IMMP2L: variants seen among roughly 807,000 people sequenced by gnomAD.
The protein encoded by IMMP2L is inner mitochondrial membrane peptidase subunit 2, also known as mitochondrial inner membrane protease subunit 2.
IMMP2L carries 18 observed loss-of-function variants against 19.3 expected under a neutral mutation model. The observed-to-expected ratio is 0.93, with a 90% CI of 0.64 to 1.38. The LOEUF is 1.38. Ranked by LOEUF, IMMP2L falls within the 40% of genes most tolerant of loss-of-function variation. The pLI, the probability that IMMP2L is intolerant of heterozygous loss-of-function variation, is 0.00. For synonymous variants in IMMP2L, 76 were observed against 73.0 expected (o/e 1.04, Z -0.21); for missense variants, 233 against 218.2 (o/e 1.07, Z -0.43).
At chr7:110,930,180 C>T (rs143414953) in intron 4 of IMMP2L, among the ~76,000 whole-genome samples, 270 of 152,272 alleles carry the variant, frequency 1.8e-3, no homozygotes, top group African/African-American at 6.3e-3. Flanking sequence ...CTGCTGAAGC[C>T]TTTACTTCCT....
At position 111,123,931 on chromosome 7, in the gene IMMP2L, C is replaced by A. The variant is rs1167488652; in HGVS notation, c.240-160366G>T. 7 of 1,613,962 alleles carry A rather than the reference C, an allele frequency of 4.3e-6. No homozygotes were observed. The highest frequency in any genetic ancestry group is 5.9e-6 in the Non-Finnish European group (7 of 1,179,992). On this transcript the variant is annotated intron_variant, in intron 3 of 5. Transcript: ENST00000405709. The surrounding 1 kb of genome is among the most constrained non-coding windows in gnomAD (Gnocchi z 6.4). ...GATGAACATGAACAAAACCAACATTCGATTCATGGAGCCAGATTCACTGTT... is the reference window on the plus strand; with the variant it reads ...GATGAACATGAACAAAACCAACATTAGATTCATGGAGCCAGATTCACTGTT...
intron 4 of IMMP2L, among the ~76,000 whole-genome samples, chr7:110,898,620 C>G (rs1811557805): frequency 6.6e-6 from 1 of 152,032 alleles, no homozygotes; most frequent in African/African-American, 2.4e-5. Flanking sequence ...AAAGCCAGAA[C>G]AAATAAAACA....
chr7:111,275,854 T>A (rs936630316), intron 3 of IMMP2L, among the ~76,000 whole-genome samples: 2 of 152,186 alleles, frequency 1.3e-5, no homozygotes, highest in Admixed American at 1.3e-4. Flanking sequence ...TTGTTATTGG[T>A]ATAAAGAAAT....
At chr7:110,828,122 C>G (rs1244755130) in intron 5 of IMMP2L, among the ~76,000 whole-genome samples, 1 of 152,106 alleles carries the variant, frequency 6.6e-6, no homozygotes, top group African/African-American at 2.4e-5. Flanking sequence ...AATGACCAGA[C>G]TAAACATTTT....
chr7:110,702,458 A>T, intron 5 of IMMP2L, among the ~76,000 whole-genome samples: 1 of 152,162 alleles, frequency 6.6e-6, no homozygotes, highest in East Asian at 1.9e-4. Flanking sequence ...ATGAATATTA[A>T]TATTAAGATC....
chr7:111,309,180 G>A (rs976456630), intron 3 of IMMP2L, among the ~76,000 whole-genome samples: 7 of 152,136 alleles, frequency 4.6e-5, no homozygotes, highest in East Asian at 1.9e-4. Flanking sequence ...AGATGTACTG[G>A]AGAAAATACA....
intron 4 of IMMP2L, among the ~76,000 whole-genome samples, chr7:110,891,033 G>T (rs1028274404): frequency 3.3e-5 from 5 of 151,614 alleles, no homozygotes; most frequent in Non-Finnish European, 4.4e-5. Flanking sequence ...TTGATTTAAG[G>T]TATTCTTATT....
At chr7:111,356,298 A>G (rs1473630217) in intron 3 of IMMP2L, among the ~76,000 whole-genome samples, 1 of 151,778 alleles carries the variant, frequency 6.6e-6, no homozygotes, top group African/African-American at 2.4e-5. Flanking sequence ...AAAAATTTGC[A>G]TCTCTTAACA....
At chr7:111,335,684 A>G (rs912270846) in intron 3 of IMMP2L, among the ~76,000 whole-genome samples, 8 of 152,176 alleles carry the variant, frequency 5.3e-5, no homozygotes, top group African/African-American at 1.9e-4. Flanking sequence ...ACACAACAGG[A>G]CACTTTAAAA....
At chr7:111,268,099 C>T (rs1261688679) in intron 3 of IMMP2L, among the ~76,000 whole-genome samples, 1 of 151,956 alleles carries the variant, frequency 6.6e-6, no homozygotes, top group African/African-American at 2.4e-5. Context: ...AGTCTCTGTC[C>T]CCAATTTTCT....
At chr7:111,011,043 G>C (rs1367188759) in intron 3 of IMMP2L, among the ~76,000 whole-genome samples, 1 of 152,024 alleles carries the variant, frequency 6.6e-6, no homozygotes, top group Non-Finnish European at 1.5e-5. Context: ...GTACTCCTGA[G>C]ATCAGTAGAT....
chr7:111,142,218 C>G (rs1367191606), intron 3 of IMMP2L, among the ~76,000 whole-genome samples: 2 of 151,418 alleles, frequency 1.3e-5, no homozygotes, highest in East Asian at 2.0e-4. Flanking sequence ...CCCAGCTACT[C>G]AGGAGGCTGA....
intron 3 of IMMP2L, among the ~76,000 whole-genome samples, chr7:111,434,390 T>A (rs1355104759): frequency 6.6e-6 from 1 of 151,298 alleles, no homozygotes; most frequent in Non-Finnish European, 1.5e-5. Flanking sequence ...AGTAAAAAGC[T>A]TCTGCACAGC....
intron 3 of IMMP2L, among the ~76,000 whole-genome samples, chr7:111,320,281 C>T (rs1824547794): frequency 1.3e-5 from 2 of 152,062 alleles, no homozygotes; most frequent in South Asian, 4.1e-4. Flanking sequence ...CATCCATCCA[C>T]CTTCTTACTC....
chr7:111,045,881 T>C (rs897710639), intron 3 of IMMP2L, among the ~76,000 whole-genome samples: 1 of 152,166 alleles, frequency 6.6e-6, no homozygotes. Context: ...TAATTTGCTA[T>C]AACAGCAATT....
At chr7:111,217,334 A>C (rs181836921) in intron 3 of IMMP2L, among the ~76,000 whole-genome samples, 1 of 152,096 alleles carries the variant, frequency 6.6e-6, no homozygotes, top group Non-Finnish European at 1.5e-5. Flanking sequence ...GAATAAAGGA[A>C]GACCTGTCCA....
At chr7:111,381,021 C>A (rs1487934152) in intron 3 of IMMP2L, among the ~76,000 whole-genome samples, 1 of 151,898 alleles carries the variant, frequency 6.6e-6, no homozygotes, top group East Asian at 1.9e-4. Flanking sequence ...ATAAATAGAT[C>A]TGAGAATAAA....
intron 3 of IMMP2L, among the ~76,000 whole-genome samples, chr7:110,973,982 C>A (rs1031295837): frequency 1.3e-5 from 2 of 152,088 alleles, no homozygotes; most frequent in Non-Finnish European, 2.9e-5. Flanking sequence ...TTGCATGGGT[C>A]CTGATAGCTA....
At chr7:110,930,637 T>G (rs112657857) in intron 4 of IMMP2L, among the ~76,000 whole-genome samples, 1 of 152,318 alleles carries the variant, frequency 6.6e-6, no homozygotes, top group Non-Finnish European at 1.5e-5. Flanking sequence ...AAACCCAAAC[T>G]ACTTAATTAT....
Sources: gnomAD v4.1 joint callset for allele counts (sites outside exome capture counted in the v4.1 genomes callset) on GRCh38, gnomAD v4.1.1 for gene constraint, Gnocchi (gnomAD v3.1) non-coding constraint, MANE v1.5 for transcripts, NCBI Gene and HGNC (gene_info 2026-07-23, HGNC 2026-07-21) for gene names.